Variants in WRN observed in about 807,000 individuals in gnomAD.
WRN encodes bifunctional 3'-5' exonuclease/ATP-dependent helicase WRN.
In WRN, 149 loss-of-function variants were observed where a neutral mutation model predicts 180.7. That is an observed-to-expected ratio of 0.82 (90% CI 0.72 to 0.94). The LOEUF (loss-of-function observed/expected upper bound fraction) is 0.94. Among genes scored for constraint, WRN ranks in the 40% least tolerant of loss-of-function variants. The pLI is 0.00. For missense variants in WRN, 1,661 were observed against 1,700.1 expected, an observed-to-expected ratio of 0.98 and a Z score of 0.40; for synonymous variants, 548 against 568.9, an observed-to-expected ratio of 0.96 and a Z score of 0.52.
At chr8:31,130,995 T>C (rs1432577183) in intron 23 of WRN, among the ~76,000 whole-genome samples, 1 of 151,938 alleles carries the variant, frequency 6.6e-6, no homozygotes, top group Non-Finnish European at 1.5e-5. Context: ...GAAGTCAATC[T>C]AAACATATTA....
intron 8 of WRN, among the ~76,000 whole-genome samples, chr8:31,077,518 A>G (rs1287987935): frequency 6.6e-6 from 1 of 152,194 alleles, no homozygotes; most frequent in East Asian, 1.9e-4. Context: ...CTGGGATTAC[A>G]GGCGTTAGCC....
intron 31 of WRN, among the ~76,000 whole-genome samples, chr8:31,152,114 C>T (rs999357827): frequency 5.9e-5 from 9 of 151,758 alleles, no homozygotes; most frequent in South Asian, 2.1e-4. Context: ...TTAAGGATAT[C>T]CAAAATACTT....
intron 33 of WRN, among the ~76,000 whole-genome samples, chr8:31,166,474 A>G (rs1295738715): frequency 6.6e-6 from 1 of 152,188 alleles, no homozygotes; most frequent in Non-Finnish European, 1.5e-5. Flanking sequence ...ATATGTTCCC[A>G]GAAATCTCAT....
intron 23 of WRN, among the ~76,000 whole-genome samples, chr8:31,130,792 T>C (rs1476249717): frequency 6.6e-6 from 1 of 152,170 alleles, no homozygotes; most frequent in African/African-American, 2.4e-5. Context: ...GGTTTTACAA[T>C]GATAAATGAA....
At chr8:31,133,459 A>G (rs1585503666) in intron 24 of WRN, among the ~76,000 whole-genome samples, 1 of 152,144 alleles carries the variant, frequency 6.6e-6, no homozygotes, top group Admixed American at 6.5e-5. Context: ...TGGGAGGCGG[A>G]GCTTGCAGTG....
At chr8:31,151,207 C>T (rs1279483925) in intron 31 of WRN, among the ~76,000 whole-genome samples, 1 of 152,120 alleles carries the variant, frequency 6.6e-6, no homozygotes, top group Non-Finnish European at 1.5e-5. Context: ...CTTCCTCCCC[C>T]ACATCCAGGA....
At chr8:31,161,944 G>A (rs907032616) in intron 33 of WRN, among the ~76,000 whole-genome samples, 2 of 151,966 alleles carry the variant, frequency 1.3e-5, no homozygotes, top group South Asian at 2.1e-4. Flanking sequence ...GTGAGTGAGC[G>A]GTGAGTGAAT....
At position 31,120,438 on chromosome 8, in the gene WRN, A is replaced by C; in HGVS notation, c.2630+14A>C. 6.2e-7 allele frequency: 1 copy of C among 1,606,556 alleles called. No homozygotes were observed. The highest frequency in any genetic ancestry group is 8.5e-7 in the Non-Finnish European group (1 of 1,176,158). ...TAACTTAAATAGGTAAAAAAAATTT[A>C]TTGTTTTTACTCTTGCAGATTTCTT... On this transcript the variant is annotated intron_variant, in intron 21 of 34. Transcript: ENST00000298139.
chr8:31,150,826 C>G lies in WRN; in HGVS notation c.3687+371C>G, dbSNP rs971121011. Among the ~76,000 whole-genome samples, 4 of 152,174 alleles carry G rather than the reference C, an allele frequency of 2.6e-5. No homozygotes were observed. In the East Asian group the frequency reaches 7.7e-4, roughly 29 times the overall value. ...AGTTGGTCAGGAGCTCAGCCACTTT[C>G]TTTTGGTTTAGCATCTTCTCTAATC... On this transcript the variant is annotated intron_variant, in intron 31 of 34. Transcript: ENST00000298139.
intron 33 of WRN, among the ~76,000 whole-genome samples, chr8:31,160,900 C>G (rs1455651122): frequency 3.3e-5 from 5 of 151,818 alleles, no homozygotes; most frequent in African/African-American, 1.2e-4. Flanking sequence ...AGGAGAATTG[C>G]TTGAACCCCC....
rs1185879122 is a variant in WRN, at chr8:31,147,345, T to G, written c.3460-19T>G. On this transcript the variant is annotated intron_variant, in intron 29 of 34. Transcript: ENST00000298139. ...TTAAGTACACTTTAAAAAGTGTTGT[T>G]TCTTTGTTTTTTGTTCAGATTGTGT... 2 of 1,610,788 alleles carry G rather than the reference T, an allele frequency of 1.2e-6. No homozygotes were observed. Among genetic ancestry groups the G allele is most frequent in the Middle Eastern group, 1.7e-4 (1 of 6,056 alleles).
At chr8:31,063,628 A>G (rs991343448) in intron 3 of WRN, among the ~76,000 whole-genome samples, 1 of 152,254 alleles carries the variant, frequency 6.6e-6, no homozygotes, top group African/African-American at 2.4e-5. Context: ...TACCAATCAG[A>G]TAGATGTGAA....
chr8:31,037,962 A>G (rs1393355543), intron 1 of WRN, among the ~76,000 whole-genome samples: 1 of 152,068 alleles, frequency 6.6e-6, no homozygotes, highest in Non-Finnish European at 1.5e-5. Context: ...CCATTTGTTT[A>G]TATTATATAT....
intron 34 of WRN, among the ~76,000 whole-genome samples, chr8:31,169,534 A>T (rs527384754): frequency 6.6e-6 from 1 of 152,210 alleles, no homozygotes; most frequent in South Asian, 2.1e-4. Flanking sequence ...GAAAGGCTAC[A>T]GTTTTATTCT....
rs769426897 is a variant in WRN, at chr8:31,083,695, A to T, written c.1270-4A>T. 1 of 1,609,762 alleles carries T rather than the reference A, an allele frequency of 6.2e-7. No individual in the cohort carries two copies. The highest frequency in any genetic ancestry group is 8.5e-7 in the Non-Finnish European group (1 of 1,176,568). On this transcript the variant is annotated splice_region_variant and splice_polypyrimidine_tract_variant and intron_variant, in intron 9 of 34. Transcript: ENST00000298139. ...GAAATTAATGCTTAATACTTTTTTT[A>T]AAGCATTTATCTCCCAATGATAATG...
At chr8:31,035,448 T>G (rs929211142) in intron 1 of WRN, among the ~76,000 whole-genome samples, 1 of 152,130 alleles carries the variant, frequency 6.6e-6, no homozygotes, top group Non-Finnish European at 1.5e-5. Flanking sequence ...GGAACCTGCC[T>G]CTTTATGTTC....
chr8:31,043,879 T>C (rs1450800792), intron 1 of WRN, among the ~76,000 whole-genome samples: 1 of 152,184 alleles, frequency 6.6e-6, no homozygotes, highest in Non-Finnish European at 1.5e-5. Flanking sequence ...ACTGAGTCAT[T>C]GAAGTACAGT....
chr8:31,111,538 C>G, intron 18 of WRN, 77 bp from the exon 19 acceptor site: 1 of 1,552,818 alleles, frequency 6.4e-7, no homozygotes, highest in East Asian at 2.3e-5. Context: ...CTACCAGTCT[C>G]TTTGTAAGAA....
In WRN at chr8:31,067,056, C is replaced by T; in HGVS notation, c.528C>T (p.Ser176=). 1 of 1,613,830 alleles carries T rather than the reference C, an allele frequency of 6.2e-7. No individual in the cohort carries two copies. The highest frequency in any genetic ancestry group is 2.2e-5 in the East Asian group (1 of 44,828). ...AGCTGAAATGCACAGAGACCTGGAGCCTTAACAGTCTGGTTAAACACCTCT... is the reference window on the plus strand; with the variant it reads ...AGCTGAAATGCACAGAGACCTGGAGTCTTAACAGTCTGGTTAAACACCTCT... ...NKKLKCTETW[S]LNSLVKHLLG... is the part of the protein sequence containing the mutation. Residue 176 remains serine (S), a synonymous_variant, in exon 6 of 35, where the codon AGC becomes AGT. Transcript: ENST00000298139.
Sources: gnomAD v4.1 joint callset for allele counts (sites outside exome capture counted in the v4.1 genomes callset) on GRCh38, gnomAD v4.1.1 for gene constraint, MANE v1.5 for transcripts, NCBI Gene and HGNC (gene_info 2026-07-23, HGNC 2026-07-21) for gene names.